The following PRKN variants were observed in gnomAD, a reference collection of about 807,000 sequenced individuals.
The protein encoded by PRKN is parkin RBR E3 ubiquitin protein ligase.
In PRKN, 56 loss-of-function variants were observed where a neutral mutation model predicts 59.5. The ratio of observed to expected loss-of-function variants is 0.94; its 90% CI spans 0.76 to 1.18. PRKN has a LOEUF of 1.18. Among genes scored for constraint, PRKN ranks in the 50% most tolerant of loss-of-function variants. The pLI is 0.00. For missense variants in PRKN, 657 were observed against 596.4 expected (o/e 1.10, Z -1.06); for synonymous variants, 250 against 222.1 (o/e 1.13, Z -1.12).
chr6:161,528,977 G>A (rs1051709935), intron 9 of PRKN, among the ~76,000 whole-genome samples: 1 of 152,168 alleles, frequency 6.6e-6, no homozygotes, highest in Non-Finnish European at 1.5e-5. Context: ...TAGCTTAGAA[G>A]GCAGGAATCC....
At chr6:162,422,680 C>G (rs1789029297) in intron 2 of PRKN, among the ~76,000 whole-genome samples, 1 of 152,150 alleles carries the variant, frequency 6.6e-6, no homozygotes, top group South Asian at 2.1e-4. Flanking sequence ...TGCAGTGGCT[C>G]ACGCCTGTAA....
Position 161,575,856 on chromosome 6 carries a change from A to G in PRKN, c.872-6440T>C, listed in dbSNP as rs74525321. Among the ~76,000 whole-genome samples, 2,755 of 152,266 alleles carry G rather than the reference A, an allele frequency of 0.018. 45 individuals are homozygous for G. The highest frequency in any genetic ancestry group is 0.047 in the Admixed American group (719 of 15,302). On this transcript the variant is annotated intron_variant, in intron 7 of 11. Transcript: ENST00000366898. This position sits in a 1 kb window ranked among gnomAD's most constrained non-coding sequence, Gnocchi z 4.6. ...ACCTTCTATTTCCCCCCTAAGTACA[A>G]CTTAGAAAAGGAAACCGACTAACGA... is the stretch of plus-strand genomic sequence containing the variant.
intron 2 of PRKN, among the ~76,000 whole-genome samples, chr6:162,284,294 G>A (rs887328273): frequency 9.6e-5 from 13 of 135,172 alleles, no homozygotes; most frequent in Admixed American, 8.5e-4. Flanking sequence ...GCGCAATCTC[G>A]GCTCACTGCA....
chr6:162,464,659 C>CAA (rs1164797005), intron 1 of PRKN, among the ~76,000 whole-genome samples: 11,889 of 79,808 alleles, frequency 0.15, 678 homozygotes, highest in Non-Finnish European at 0.19. Flanking sequence ...ACTAAAAATA[C>CAA]AAAAAAAAAA....
rs893570491 is a variant in PRKN at position 162,262,376 on chromosome 6, C to A, written c.412+149G>T. On this transcript the variant is annotated intron_variant, in intron 3 of 11. Transcript: ENST00000366898. ...TCAAATGTTACATCAAAGTACTCCA[C>A]CTACAGTGATGTCTCCTTGTAGTGA... 85 of 893,150 alleles carry A rather than the reference C, an allele frequency of 9.5e-5. No individual in the cohort carries two copies. The African/African-American group carries it at 1.2e-3, about 13-fold the overall frequency. The allele number at this position is 893,150 out of a possible 1,614,324, so 55.3% of individuals were successfully genotyped here. A position where few individuals can be genotyped will look rare whatever the true frequency, so the allele number is the denominator to read the frequency against.
At chr6:162,660,410 CTG>C (rs1778833728) in intron 1 of PRKN, among the ~76,000 whole-genome samples, 2 of 152,198 alleles carry the variant, frequency 1.3e-5, no homozygotes, top group African/African-American at 4.8e-5. Context: ...CACCATCACA[CTG>C]TGTCTTTGTA....
At chr6:161,907,216 A>G (rs1224582446) in intron 6 of PRKN, among the ~76,000 whole-genome samples, 1 of 152,140 alleles carries the variant, frequency 6.6e-6, no homozygotes, top group Non-Finnish European at 1.5e-5. Context: ...CATTTTGGAG[A>G]ACATTATTTC....
At chr6:161,821,070 G>T (rs1227232058) in intron 6 of PRKN, among the ~76,000 whole-genome samples, 4 of 151,990 alleles carry the variant, frequency 2.6e-5, no homozygotes, top group Non-Finnish European at 4.4e-5. Context: ...GTTCATAGCA[G>T]TGAATGACTA....
chr6:161,908,493 C>A (rs1778234113), intron 6 of PRKN, among the ~76,000 whole-genome samples: 1 of 152,062 alleles, frequency 6.6e-6, no homozygotes, highest in Admixed American at 6.6e-5. Context: ...TTTGATGACA[C>A]AGGTAGAGTA....
In PRKN at chr6:162,273,962, C is replaced by T. The variant is rs9458494; in HGVS notation, c.172-11197G>A. ...CAAAAATGATCCATATGTATCTCTA[C>T]GAAGGAGGAATTTTCCTATAAAACC... On this transcript the variant is annotated intron_variant, in intron 2 of 11. Transcript: ENST00000366898. 1.2e-3 allele frequency among the ~76,000 whole-genome samples: 188 copies of T among 151,990 alleles called. 1 individual carries two copies. The highest frequency in any genetic ancestry group is 2.0e-3 in the Non-Finnish European group (135 of 67,976).
chr6:161,593,666 G>A lies in PRKN; in HGVS notation c.872-24250C>T, dbSNP rs1781807843. 1.3e-5 allele frequency among the ~76,000 whole-genome samples: 2 copies of A among 152,194 alleles called. No individual in the cohort carries two copies. ...ATCCTGAGGAACCGGCTGGACAGTG[G>A]TGCCTTCTACTGAGAGTAGGAAGAC... On this transcript the variant is annotated intron_variant, in intron 7 of 11. Transcript: ENST00000366898. This position sits in a 1 kb window ranked among gnomAD's most constrained non-coding sequence, Gnocchi z 4.8.
At chr6:162,534,051 T>C (rs1248783613) in intron 1 of PRKN, among the ~76,000 whole-genome samples, 2 of 151,706 alleles carry the variant, frequency 1.3e-5, no homozygotes, top group Non-Finnish European at 2.9e-5. Flanking sequence ...GCCCACATCA[T>C]GAAATCCCAG....
chr6:162,427,128 C>A (rs1015495198), intron 2 of PRKN, among the ~76,000 whole-genome samples: 4 of 152,122 alleles, frequency 2.6e-5, no homozygotes, highest in Non-Finnish European at 5.9e-5. Context: ...TAGAGAAATG[C>A]AAGTTAAATC....
At chr6:161,427,054 G>T (rs1177276236) in intron 9 of PRKN, among the ~76,000 whole-genome samples, 1 of 150,608 alleles carries the variant, frequency 6.6e-6, no homozygotes, top group African/African-American at 2.5e-5. Flanking sequence ...GTTTTACTCT[G>T]GTCCACCATG....
intron 7 of PRKN, among the ~76,000 whole-genome samples, chr6:161,746,845 T>C (rs948336880): frequency 6.7e-6 from 1 of 149,348 alleles, no homozygotes; most frequent in Admixed American, 6.7e-5. Flanking sequence ...TATATATCTA[T>C]ATGTATGTAT....
chr6:162,458,682 A>T (rs9365440), intron 1 of PRKN, among the ~76,000 whole-genome samples: 12,779 of 128,082 alleles, frequency 0.1, 1,252 homozygotes, highest in African/African-American at 0.26. Flanking sequence ...TTGTAACTTT[A>T]TCTCTTTTTT....
At chr6:162,479,337 T>C (rs1373936852) in intron 1 of PRKN, among the ~76,000 whole-genome samples, 1 of 152,096 alleles carries the variant, frequency 6.6e-6, no homozygotes, top group African/African-American at 2.4e-5. Flanking sequence ...GAGATTCTCC[T>C]GCCTCAGTCT....
chr6:162,496,728 A>T (rs371351077), intron 1 of PRKN, among the ~76,000 whole-genome samples: 4 of 152,208 alleles, frequency 2.6e-5, no homozygotes, highest in Non-Finnish European at 5.9e-5. Flanking sequence ...CTATGTGACA[A>T]AGCTGTAGAG....
intron 4 of PRKN, among the ~76,000 whole-genome samples, chr6:162,187,667 T>C (rs1417830261): frequency 1.3e-5 from 2 of 152,102 alleles, no homozygotes; most frequent in African/African-American, 4.8e-5. Context: ...AATTGAAACT[T>C]AAAGTTATCC....
Sources: allele counts gnomAD v4.1 joint callset (sites outside exome capture counted in the v4.1 genomes callset), GRCh38; gene constraint gnomAD v4.1.1; non-coding constraint Gnocchi (gnomAD v3.1); transcripts MANE v1.5; gene names NCBI Gene and HGNC (gene_info 2026-07-23, HGNC 2026-07-21).